The following OTOGL variants were observed in gnomAD, a reference collection of about 807,000 sequenced individuals.
OTOGL encodes otogelin like.
A neutral mutation model predicts 318.5 loss-of-function variants in OTOGL; 285 were observed. That is an observed-to-expected ratio of 0.89 (90% CI 0.81 to 0.99). OTOGL has a LOEUF of 0.99. OTOGL is among the 50% of genes least tolerant of loss of function. OTOGL has a pLI of 0.00. For missense variants in OTOGL, 2,899 were observed against 2,845.6 expected (o/e 1.02, Z -0.43); for synonymous variants, 987 against 936.5 (o/e 1.05, Z -0.99).
At position 80,271,640 on chromosome 12, in the gene OTOGL, A is replaced by G. The variant is rs1452234841; in HGVS notation, c.2519-8A>G. ...TTAAGGACATTTTGTCTGTGCTTAT[A>G]TCTGAAGTTCACATCTGCCCAGAGG... On this transcript the variant is annotated splice_region_variant and splice_polypyrimidine_tract_variant and intron_variant, in intron 23 of 58. Coordinates refer to ENST00000547103, the MANE Select transcript of OTOGL (RefSeq NM_001378609.3). 1.2e-6 allele frequency: 2 copies of G among 1,611,476 alleles called. No homozygotes were observed. The highest frequency in any genetic ancestry group is 1.7e-5 in the Admixed American group (1 of 59,690).
intron 24 of OTOGL, among the ~76,000 whole-genome samples, chr12:80,276,277 A>T (rs1007437560): frequency 6.6e-6 from 1 of 151,810 alleles, no homozygotes; most frequent in Non-Finnish European, 1.5e-5. Flanking sequence ...AATGGGGGGT[A>T]CTAAAATACA....
chr12:80,256,505 C>A (rs957014064), intron 17 of OTOGL, 45 bp downstream of exon 17: 11 of 1,510,474 alleles, frequency 7.3e-6, no homozygotes, highest in Non-Finnish European at 9.7e-6. Flanking sequence ...ATCAAACAAA[C>A]AAACAAACAA....
chr12:80,235,383 T>G (rs1255891209), intron 9 of OTOGL, among the ~76,000 whole-genome samples: 3 of 148,540 alleles, frequency 2.0e-5, no homozygotes, highest in African/African-American at 2.5e-5. Context: ...GAGAATTGCT[T>G]GAACATGGGA....
At position 80,257,966 on chromosome 12, in the gene OTOGL, G is replaced by A. The variant is rs1183182392; in HGVS notation, c.1853G>A (p.Cys618Tyr). ...TGGAAAAGAAGAACATTAGGTCTGT[G>A]TGGCACTTTTAATGGCAACATAAGG... ...SAWKRRTLGL[C>Y]GTFNGNIRDD... The change falls in exon 18 of 59, where the codon TGT (cysteine) becomes TAT (tyrosine). Residue 618 changes from cysteine (C) to tyrosine (Y), a missense_variant. Cys to Tyr is a radical substitution (Grantham distance 194, BLOSUM62 -2). Coordinates refer to ENST00000547103, the MANE Select transcript of OTOGL (RefSeq NM_001378609.3). The A allele has an allele frequency of 6.3e-7, 1 of 1,594,220 alleles. No individual in the cohort carries two copies. Among genetic ancestry groups the A allele is most frequent in the African/African-American group, 1.3e-5 (1 of 74,674 alleles).
At chr12:80,324,174 AAAAT>A (rs1160473068) in intron 35 of OTOGL, among the ~76,000 whole-genome samples, 2 of 152,226 alleles carry the variant, frequency 1.3e-5, no homozygotes, top group African/African-American at 2.4e-5. Context: ...GTTACAGAGA[AAAAT>A]AAAGGAAGGT....
rs754155928 is a variant in OTOGL at position 80,323,135 on chromosome 12, CACACACACACACAT to C, written c.4082-586_4082-573del. Among the ~76,000 whole-genome samples, 1,588 of 115,066 alleles carry C rather than the reference CACACACACACACAT, an allele frequency of 0.014. 72 individuals are homozygous for C. In the East Asian group the frequency reaches 0.15, roughly 11 times the overall value. The allele number at this position is 115,066 out of a possible 152,430, so 75.5% of individuals were successfully genotyped here. ...ACACACACACACACACACACACACA[CACACACACACACAT>C]ATATAAAATATTTTGAATTTTCCTC... On this transcript the variant is annotated intron_variant, in intron 34 of 58. Coordinates refer to ENST00000547103, the MANE Select transcript of OTOGL (RefSeq NM_001378609.3).
At chr12:80,367,956 G>A (rs1011286212) in intron 54 of OTOGL, among the ~76,000 whole-genome samples, 1 of 152,036 alleles carries the variant, frequency 6.6e-6, no homozygotes, top group Non-Finnish European at 1.5e-5. Context: ...AGCTTGCCAG[G>A]TTGCCTTACC....
chr12:80,198,768 C>T (rs1876258674), intron 1 of OTOGL, among the ~76,000 whole-genome samples: 1 of 152,130 alleles, frequency 6.6e-6, no homozygotes, highest in Non-Finnish European at 1.5e-5. Context: ...CTTCTTTCAC[C>T]TCATGCCCCA....
chr12:80,219,205 G>A (rs963160102), intron 5 of OTOGL, among the ~76,000 whole-genome samples: 29 of 152,008 alleles, frequency 1.9e-4, no homozygotes, highest in Non-Finnish European at 3.2e-4. Context: ...ACCACTGCCC[G>A]GGTTCAAGTG....
At chr12:80,153,880 CT>C (rs1872948180) in intron 1 of OTOGL, among the ~76,000 whole-genome samples, 1 of 152,158 alleles carries the variant, frequency 6.6e-6, no homozygotes, top group Admixed American at 6.5e-5. Flanking sequence ...CTTTTCATGT[CT>C]TGATAGATCA....
chr12:80,355,224 C>CTTTCTTTTTT (rs1889799791), intron 46 of OTOGL, among the ~76,000 whole-genome samples: 2 of 65,602 alleles, frequency 3.0e-5, no homozygotes, highest in Admixed American at 1.7e-4. Context: ...TTCTTTCTTT[C>CTTTCTTTTTT]TTTTCTTTTT....
intron 13 of OTOGL, among the ~76,000 whole-genome samples, chr12:80,253,003 C>A (rs1421768595): frequency 6.6e-6 from 1 of 152,172 alleles, no homozygotes; most frequent in African/African-American, 2.4e-5. Context: ...TAAATTCTGG[C>A]TCAACCTCCT....
At chr12:80,368,414 T>C (rs1890688417) in intron 55 of OTOGL, 105 bp downstream of exon 55, 1 of 656,860 alleles carries the variant, frequency 1.5e-6, no homozygotes, top group Non-Finnish European at 2.6e-6. Context: ...CTGCATACAA[T>C]AAACACAGTA....
In OTOGL at chr12:80,326,509, G is replaced by A. The variant is rs529666625; in HGVS notation, c.4200-2156G>A. 3.3e-5 allele frequency among the ~76,000 whole-genome samples: 5 copies of A among 152,288 alleles called. No homozygotes were observed. The South Asian group carries it at 1.0e-3, about 32-fold the overall frequency. On this transcript the variant is annotated intron_variant, in intron 35 of 58. Coordinates refer to ENST00000547103, the MANE Select transcript of OTOGL (RefSeq NM_001378609.3). The stretch of plus-strand genomic sequence containing the variant: ...TAAAAAGTATTGTACAAGGATGGCT[G>A]TGGTTTTGACTTGCATAAAACAACT...
intron 1 of OTOGL, chr12:80,131,105 G>GATT: frequency 6.6e-6 from 1 of 152,198 alleles, no homozygotes; most frequent in Non-Finnish European, 1.5e-5. Flanking sequence ...GAAGTAGGAG[G>GATT]CACAGCAAGT....
chr12:80,307,321 G>C (rs1288215278), intron 29 of OTOGL, among the ~76,000 whole-genome samples: 1 of 151,864 alleles, frequency 6.6e-6, no homozygotes, highest in Admixed American at 6.6e-5. Flanking sequence ...TGAGCTGTTG[G>C]GTACACCTCC....
chr12:80,330,171 A>G (rs1282610041), intron 37 of OTOGL, among the ~76,000 whole-genome samples: 2 of 152,234 alleles, frequency 1.3e-5, no homozygotes, highest in African/African-American at 4.8e-5. Context: ...GGGGCAGGTC[A>G]CAAAGGACTC....
At chr12:80,107,831 T>G (rs913195432) in intron 1 of OTOGL, among the ~76,000 whole-genome samples, 1 of 151,956 alleles carries the variant, frequency 6.6e-6, no homozygotes, top group Non-Finnish European at 1.5e-5. Flanking sequence ...TTATCCCAAG[T>G]AAACTAATGC....
chr12:80,366,577 G>A lies in OTOGL; in HGVS notation c.6271G>A (p.Glu2091Lys). The A allele has an allele frequency of 7.6e-7, 1 of 1,317,160 alleles. No homozygotes were observed. 81.6% of individuals were successfully genotyped at this position (1,317,160 alleles called of 1,614,324 possible). Residue 2091 changes from glutamate (E) to lysine (K), a missense_variant, in exon 53 of 59, where the codon GAA becomes AAA. Glu to Lys is a moderately conservative substitution (Grantham distance 56, BLOSUM62 1). Around this residue, in one of 3 missense-constraint regions of OTOGL, gnomAD observed 2,607 missense variants for 2,524.9 expected, o/e 1.03. Coordinates refer to ENST00000547103, the MANE Select transcript of OTOGL (RefSeq NM_001378609.3). ...NLIMPTCEVG[E>K]FTAIDHNFQS... ...AATAGTAGTATATTTTCAATAGGGA[G>A]AATTTACTGCAATAGACCATAACTT...
Sources: allele counts gnomAD v4.1 joint callset (sites outside exome capture counted in the v4.1 genomes callset), GRCh38; gene constraint gnomAD v4.1.1; regional missense constraint gnomAD v4.1.1; transcripts MANE v1.5; gene names NCBI Gene and HGNC (gene_info 2026-07-23, HGNC 2026-07-21).